The following TLL2 variants were observed in gnomAD, a reference collection of about 807,000 sequenced individuals.
TLL2 encodes the protein tolloid like 2.
In TLL2, 106 loss-of-function variants were observed where a neutral mutation model predicts 123.0. The ratio of observed to expected loss-of-function variants is 0.86; its 90% confidence interval spans 0.74 to 1.01. The LOEUF (loss-of-function observed/expected upper bound fraction) is 1.01, where lower values mean the gene tolerates loss of function less well. Ranked by LOEUF, TLL2 falls within the 50% of genes least tolerant of loss-of-function variation. TLL2 has a pLI of 0.00. For synonymous variants in TLL2, 494 were observed against 516.8 expected (o/e 0.96, Z 0.60); for missense variants, 1,332 against 1,336.7 (o/e 1.00, Z 0.06).
chr10:96,498,202 T>G (rs1847497015), intron 1 of TLL2, among the ~76,000 whole-genome samples: 1 of 152,110 alleles, frequency 6.6e-6, no homozygotes, highest in Admixed American at 6.5e-5. Flanking sequence ...TGGGAGACCC[T>G]AAGTCGCAGA....
At chr10:96,428,359 G>T (rs188965549) in intron 5 of TLL2, among the ~76,000 whole-genome samples, 20 of 152,286 alleles carry the variant, frequency 1.3e-4, no homozygotes, top group Admixed American at 5.9e-4. Context: ...AAGAACCACT[G>T]CCTTAAGTCT....
chr10:96,490,006 GA>G (rs1358813471), intron 1 of TLL2, among the ~76,000 whole-genome samples: 3 of 152,028 alleles, frequency 2.0e-5, no homozygotes, highest in African/African-American at 7.2e-5. Flanking sequence ...TGAGGCAGGA[GA>G]ATCACTTGAA....
intron 16 of TLL2, 35 bp downstream of exon 16, chr10:96,384,552 C>T (rs1846212329): frequency 6.6e-7 from 1 of 1,517,036 alleles, no homozygotes; most frequent in Non-Finnish European, 8.9e-7. Flanking sequence ...CCGCCTCACT[C>T]GCGCTGCATC....
chr10:96,462,105 AT>A (rs1265902229), intron 2 of TLL2, among the ~76,000 whole-genome samples: 7 of 152,192 alleles, frequency 4.6e-5, no homozygotes, highest in Admixed American at 4.6e-4. Context: ...GGCCATTATT[AT>A]TGTGAGGTAT....
At chr10:96,497,194 G>A (rs930323938) in intron 1 of TLL2, among the ~76,000 whole-genome samples, 1 of 152,210 alleles carries the variant, frequency 6.6e-6, no homozygotes, top group African/African-American at 2.4e-5. Context: ...GGAAGCTGAG[G>A]CAGGAGAATT....
At chr10:96,459,705 A>AAAAAAAAAAAAAAAAAAAAT (rs1847058581) in intron 2 of TLL2, among the ~76,000 whole-genome samples, 1 of 38,042 alleles carries the variant, frequency 2.6e-5, no homozygotes, top group Non-Finnish European at 4.4e-5. Context: ...AAAAAAAAAA[A>AAAAAAAAAAAAAAAAAAAAT]ATATATATAT....
intron 2 of TLL2, among the ~76,000 whole-genome samples, chr10:96,460,727 C>T (rs191608164): frequency 1.3e-3 from 198 of 152,350 alleles, no homozygotes; most frequent in Middle Eastern, 6.8e-3. Context: ...GCCTGTGGAA[C>T]TATGAGTCAA....
chr10:96,446,360 A>T (rs1473727603), intron 2 of TLL2, among the ~76,000 whole-genome samples, 192 bp from the exon 3 acceptor site: 1 of 152,170 alleles, frequency 6.6e-6, no homozygotes, highest in East Asian at 1.9e-4. Flanking sequence ...GCAAAAACGA[A>T]CCTGCTTTGT....
chr10:96,436,806 C>T (rs1846800370), intron 3 of TLL2, among the ~76,000 whole-genome samples: 1 of 152,042 alleles, frequency 6.6e-6, no homozygotes, highest in African/African-American at 2.4e-5. Context: ...CCCCCTCACC[C>T]TCCCAAGTAG....
intron 1 of TLL2, among the ~76,000 whole-genome samples, chr10:96,484,577 A>T: frequency 7.4e-6 from 1 of 135,410 alleles, no homozygotes; most frequent in East Asian, 2.2e-4. Context: ...AAATGAGATC[A>T]TGTACACATA....
rs576015092 is a variant in TLL2, at chr10:96,500,805, G to A, written c.175+12706C>T. On this transcript the variant is annotated intron_variant, in intron 1 of 20. Coordinates refer to ENST00000357947, the MANE Select transcript of TLL2 (RefSeq NM_012465.4). ...GGAAGGAAGGAAGGGAGGGAGGGAC[G>A]GAGGGAGGGAGGGAGGGGAGAGATT... Among the ~76,000 whole-genome samples the A allele has an allele frequency of 1.2e-4, 15 of 130,066 alleles. No homozygotes were observed. The East Asian group carries it at 2.4e-3, about 21-fold the overall frequency. 85.3% of individuals were successfully genotyped at this position (130,066 alleles called of 152,430 possible).
chr10:96,492,371 C>A (rs576134974), intron 1 of TLL2, among the ~76,000 whole-genome samples: 2 of 152,330 alleles, frequency 1.3e-5, no homozygotes, highest in South Asian at 4.1e-4. Context: ...CGCCTCTAAT[C>A]CCAGCACTTT....
chr10:96,413,046 G>A, intron 8 of TLL2, 146 bp downstream of exon 8: 1 of 1,178,386 alleles, frequency 8.5e-7, no homozygotes. Context: ...TTTCTATACT[G>A]CCTAGCACCT....
chr10:96,416,362 T>C (rs971751248), intron 7 of TLL2, among the ~76,000 whole-genome samples: 2 of 152,194 alleles, frequency 1.3e-5, no homozygotes, highest in African/African-American at 4.8e-5. Context: ...CATAGGACTT[T>C]CCGATGTGCC....
At chr10:96,401,898 C>T (rs2861577) in intron 10 of TLL2, among the ~76,000 whole-genome samples, 62,292 of 152,022 alleles carry the variant, frequency 0.41, 13,518 homozygotes, top group East Asian at 0.66. Context: ...ATTTGAATTT[C>T]GGATAAACAA....
Position 96,370,264 on chromosome 10 carries a change from T to A in TLL2, c.2714A>T (p.His905Leu), listed in dbSNP as rs1846069004. 2 of 1,610,816 alleles carry A rather than the reference T, an allele frequency of 1.2e-6. No homozygotes were observed. Among genetic ancestry groups the A allele is most frequent in the Non-Finnish European group, 1.7e-6 (2 of 1,178,370 alleles). Residue 905 changes from histidine (H) to leucine (L), a missense_variant, in exon 20 of 21, where the codon CAC (histidine) becomes CTC (leucine). By Grantham distance (99) the His-to-Leu change is moderately conservative. Transcript: ENST00000357947. Reference protein sequence around the residue: ...AEVQTKELYSHAQFGDNNYPS... With the variant: ...AEVQTKELYSLAQFGDNNYPS... ...GTAGTTGTTGTCCCCAAACTGGGCG[T>A]GGGAATAGAGCTCTTTGGTCTGCAC... is the stretch of plus-strand genomic sequence containing the variant.
chr10:96,483,797 T>C (rs1226004574), intron 1 of TLL2, among the ~76,000 whole-genome samples: 1 of 152,152 alleles, frequency 6.6e-6, no homozygotes, highest in Non-Finnish European at 1.5e-5. Flanking sequence ...GGGTACAAAT[T>C]ATACTTCCCC....
chr10:96,369,752 A>G (rs1487948365), intron 20 of TLL2, among the ~76,000 whole-genome samples: 2 of 149,826 alleles, frequency 1.3e-5, no homozygotes, highest in South Asian at 2.1e-4. Context: ...GTCTCGGGGG[A>G]AAAAAAAGAA....
chr10:96,476,074 C>T (rs144979745), intron 2 of TLL2, among the ~76,000 whole-genome samples: 1 of 151,514 alleles, frequency 6.6e-6, no homozygotes, highest in Non-Finnish European at 1.5e-5. Flanking sequence ...TCGGGTACAC[C>T]TTTATCAGCA....
Sources: allele counts gnomAD v4.1 joint callset (sites outside exome capture counted in the v4.1 genomes callset), GRCh38; gene constraint gnomAD v4.1.1; transcripts MANE v1.5; gene names NCBI Gene and HGNC (gene_info 2026-07-23, HGNC 2026-07-21).